TLR6: variants seen among roughly 807,000 people sequenced by gnomAD.
TLR6 encodes toll like receptor 6, also known as toll-like receptor 6.
In TLR6, 9 loss-of-function variants were observed where a neutral mutation model predicts 16.1. That is an observed-to-expected ratio of 0.56 (90% CI 0.34 to 0.98). The LOEUF is 0.98. TLR6 is among the 50% of genes least tolerant of loss of function. The pLI, the probability that TLR6 is intolerant of heterozygous loss-of-function variation, is 0.02. For synonymous variants in TLR6, 340 were observed against 338.6 expected, an observed-to-expected ratio of 1.00 and a Z score of -0.04; for missense variants, 786 against 921.0, an observed-to-expected ratio of 0.85 and a Z score of 1.90.
intron 1 of TLR6, among the ~76,000 whole-genome samples, chr4:38,834,900 G>A (rs1196969522): frequency 2.6e-5 from 4 of 152,168 alleles, no homozygotes; most frequent in African/African-American, 9.7e-5. Context: ...AGAGTAGAAC[G>A]TCTGGACGTG....
Position 38,838,012 on chromosome 4 carries a change from A to C in TLR6, c.-64-8475T>G, listed in dbSNP as rs569988351. 6.6e-5 allele frequency among the ~76,000 whole-genome samples: 10 copies of C among 152,358 alleles called. No homozygotes were observed. The East Asian group carries it at 1.7e-3, about 26-fold the overall frequency. On this transcript the variant is annotated intron_variant, in intron 1 of 1. Coordinates refer to ENST00000436693, the Ensembl canonical transcript of TLR6. Reference sequence around the variant, plus strand: ...ATGAAAAAAATGCTCACCATGAATCATCAAGGAAGTGCAAATCAAAACCAC... The same window carrying C: ...ATGAAAAAAATGCTCACCATGAATCCTCAAGGAAGTGCAAATCAAAACCAC...
chr4:38,866,334 A>T, the TLR6 span, among the ~76,000 whole-genome samples: 1 of 150,698 alleles, frequency 6.6e-6, no homozygotes, highest in African/African-American at 2.4e-5. Flanking sequence ...TCTACTAAAA[A>T]ATACAAAAAT....
At chr4:38,862,261 T>C in the TLR6 span, among the ~76,000 whole-genome samples, 2 of 151,634 alleles carry the variant, frequency 1.3e-5, no homozygotes, top group Non-Finnish European at 2.9e-5. Context: ...ATTTTTCTGC[T>C]CTGATGTATT....
intron 1 of TLR6, among the ~76,000 whole-genome samples, chr4:38,856,387 A>G (rs1712989208): frequency 6.6e-6 from 1 of 152,258 alleles, no homozygotes; most frequent in Non-Finnish European, 1.5e-5. Context: ...TATAATAAAT[A>G]GGTGCCATAT....
At chr4:38,864,175 T>C in the TLR6 span, among the ~76,000 whole-genome samples, 11 of 152,238 alleles carry the variant, frequency 7.2e-5, no homozygotes, top group African/African-American at 2.7e-4. Flanking sequence ...CTAAACCCTG[T>C]AGATTCTATA....
intron 1 of TLR6, among the ~76,000 whole-genome samples, chr4:38,840,633 C>CAAAA (rs377719537): frequency 9.3e-6 from 1 of 107,238 alleles, no homozygotes. Flanking sequence ...GACTCCCTCT[C>CAAAA]AAAAAAAAAA....
At chr4:38,839,293 G>T (rs1305928572) in intron 1 of TLR6, among the ~76,000 whole-genome samples, 1 of 146,324 alleles carries the variant, frequency 6.8e-6, no homozygotes, top group African/African-American at 2.7e-5. Context: ...AAAAAATAAA[G>T]TCTATTGATT....
the TLR6 span, among the ~76,000 whole-genome samples, chr4:38,867,476 A>G: frequency 6.6e-6 from 1 of 152,026 alleles, no homozygotes; most frequent in Non-Finnish European, 1.5e-5. Context: ...GCTGAATTTG[A>G]GCGACCTCTT....
chr4:38,828,716 T>A, exon 2 of TLR6: 1 of 1,614,114 alleles, frequency 6.2e-7, no homozygotes, highest in Non-Finnish European at 8.5e-7. Context: ...GAGGGTAAAA[T>A]TCAGTAAGGT....
intron 1 of TLR6, among the ~76,000 whole-genome samples, chr4:38,846,677 C>T (rs1358026400): frequency 6.6e-6 from 1 of 151,914 alleles, no homozygotes; most frequent in South Asian, 2.1e-4. Context: ...GTGCTAAGTA[C>T]CAAAAAGTAT....
At chr4:38,827,238 T>G in exon 2 of TLR6, 2 of 1,614,196 alleles carry the variant, frequency 1.2e-6, no homozygotes, top group Non-Finnish European at 1.7e-6. Context: ...TGGTACTTGT[T>G]GGGAATGCTG....
chr4:38,854,872 A>G (rs139996851), intron 1 of TLR6, among the ~76,000 whole-genome samples: 1 of 152,312 alleles, frequency 6.6e-6, no homozygotes, highest in East Asian at 1.9e-4. Context: ...AATAGCCTCA[A>G]ATACTGTACT....
chr4:38,825,572 G>C (rs1727505934), exon 2 of TLR6: 1 of 152,208 alleles, frequency 6.6e-6, no homozygotes. Context: ...GCACATCTGT[G>C]AGTTATTGGA....
chr4:38,837,469 A>C (rs1004048782), intron 1 of TLR6, among the ~76,000 whole-genome samples: 2 of 152,212 alleles, frequency 1.3e-5, no homozygotes, highest in Admixed American at 6.5e-5. Flanking sequence ...AACAACATAC[A>C]CTGGGGAAAG....
chr4:38,835,909 A>T (rs568936261), intron 1 of TLR6, among the ~76,000 whole-genome samples: 1 of 152,188 alleles, frequency 6.6e-6, no homozygotes, highest in South Asian at 2.1e-4. Context: ...GAGGTAAAAA[A>T]GTTTCTTGAA....
the TLR6 span, among the ~76,000 whole-genome samples, chr4:38,866,163 AATT>A: frequency 2.6e-5 from 4 of 151,436 alleles, no homozygotes; most frequent in African/African-American, 4.9e-5. Flanking sequence ...TAGCTTAAAA[AATT>A]ATTAATATAA....
intron 1 of TLR6, 70 bp from the exon 2 acceptor site, chr4:38,829,607 A>G (rs547567630): frequency 5.9e-5 from 36 of 605,506 alleles, no homozygotes; most frequent in Non-Finnish European, 9.5e-5. Context: ...CTTACTAACC[A>G]TAAAATCTAA....
chr4:38,853,229 G>A (rs1307220055), intron 1 of TLR6, among the ~76,000 whole-genome samples: 3 of 125,328 alleles, frequency 2.4e-5, no homozygotes, highest in Admixed American at 1.9e-4. Flanking sequence ...GGGGCCTGTC[G>A]TGGGGTGGGG....
intron 1 of TLR6, among the ~76,000 whole-genome samples, chr4:38,855,204 T>TC (rs974126207): frequency 3.6e-4 from 46 of 126,630 alleles, no homozygotes; most frequent in Admixed American, 2.5e-3. Context: ...AGAGCAAGAC[T>TC]CCGTCTCAAA....
Sources: allele counts gnomAD v4.1 joint callset (sites outside exome capture counted in the v4.1 genomes callset), GRCh38; gene constraint gnomAD v4.1.1; transcripts MANE v1.5; gene names NCBI Gene and HGNC (gene_info 2026-07-23, HGNC 2026-07-21).